CACNA1C: variants seen among roughly 807,000 people sequenced by gnomAD.
The protein encoded by CACNA1C is calcium voltage-gated channel subunit alpha1 C.
CACNA1C carries 30 observed loss-of-function variants against 229.0 expected under a neutral mutation model. The ratio of observed to expected loss-of-function variants is 0.13; its 90% confidence interval spans 0.10 to 0.18. The LOEUF (loss-of-function observed/expected upper bound fraction) is 0.18, where lower values mean the gene tolerates loss of function less well. Among genes scored for constraint, CACNA1C ranks in the 10% least tolerant of loss-of-function variants. The pLI is 1.00. For synonymous variants in CACNA1C, 1,114 were observed against 1,132.5 expected, an observed-to-expected ratio of 0.98 and a Z score of 0.33; for missense variants, 1,658 against 2,845.0, an observed-to-expected ratio of 0.58 and a Z score of 9.49.
chr12:2,105,407 C>T (rs1171482331), intron 1 of CACNA1C, among the ~76,000 whole-genome samples: 1 of 152,164 alleles, frequency 6.6e-6, no homozygotes, highest in Non-Finnish European at 1.5e-5. Context: ...GGTCATGGGG[C>T]CTGTTCTGGG....
chr12:2,292,668 G>T (rs1389827784), intron 3 of CACNA1C, among the ~76,000 whole-genome samples: 1 of 152,232 alleles, frequency 6.6e-6, no homozygotes, highest in Non-Finnish European at 1.5e-5. Context: ...GCAGAGGTTG[G>T]TGGAGAGGGT....
intron 3 of CACNA1C, among the ~76,000 whole-genome samples, chr12:2,185,944 C>T (rs1177312396): frequency 2.6e-5 from 4 of 151,946 alleles, no homozygotes; most frequent in African/African-American, 7.3e-5. Context: ...GCCGAGCGCC[C>T]AATGCACACT....
chr12:2,030,208 T>C (rs2047997116), intron 1 of CACNA1C, among the ~76,000 whole-genome samples: 1 of 152,210 alleles, frequency 6.6e-6, no homozygotes, highest in Non-Finnish European at 1.5e-5. Flanking sequence ...ATCTGAACTG[T>C]AGAGGAGAGA....
At chr12:2,576,978 A>T (rs2058639406) in intron 13 of CACNA1C, among the ~76,000 whole-genome samples, 1 of 152,198 alleles carries the variant, frequency 6.6e-6, no homozygotes, top group African/African-American at 2.4e-5. Context: ...CATCCCTGAT[A>T]ATTTGCACGT....
At chr12:2,676,150 C>T (rs2096799590) in intron 39 of CACNA1C, 1 of 152,230 alleles carries the variant, frequency 6.6e-6, no homozygotes, top group African/African-American at 2.4e-5. Flanking sequence ...CCCCAGGGAA[C>T]CTAGGACTCC....
In CACNA1C at chr12:2,550,008, G is replaced by A. The variant is rs751825175; in HGVS notation, c.1456G>A (p.Gly486Arg). The change falls in exon 10 of 47, where the codon GGA becomes AGA. Residue 486 changes from glycine to arginine, a missense_variant. Gly to Arg is a moderately radical substitution (Grantham distance 125). Transcript: ENST00000399655. ...AAACGTGGCTGGAGGTGACATCGAGGGAGAAAACTGCGGGGCCAGGCTGGC... is the reference window on the plus strand; with the variant it reads ...AAACGTGGCTGGAGGTGACATCGAGAGAGAAAACTGCGGGGCCAGGCTGGC... ...TENVAGGDIEGENCGARLAHR... is the reference protein window; with the variant it reads ...TENVAGGDIERENCGARLAHR... 1 of 1,607,276 alleles carries A rather than the reference G, an allele frequency of 6.2e-7. No individual in the cohort carries two copies. Among genetic ancestry groups the A allele is most frequent in the Non-Finnish European group, 8.5e-7 (1 of 1,176,834 alleles).
intron 29 of CACNA1C, among the ~76,000 whole-genome samples, chr12:2,615,704 C>A (rs73241760): frequency 2.6e-5 from 4 of 152,174 alleles, no homozygotes; most frequent in Admixed American, 2.6e-4. Context: ...AGGAGCCTGG[C>A]GCGGGAAGCA....
In CACNA1C at chr12:2,567,792, G is replaced by A. The variant is rs1252210096; in HGVS notation, c.1893G>A (p.Thr631=). The A allele has an allele frequency of 6.3e-6, 10 of 1,584,282 alleles. No homozygotes were observed. The highest frequency in any genetic ancestry group is 4.0e-5 in the African/African-American group (3 of 74,352). Residue 631 remains threonine (T), a splice_region_variant and synonymous_variant, in exon 13 of 47, where the codon ACG becomes ACA. Coordinates refer to ENST00000399655, the MANE Select transcript of CACNA1C (RefSeq NM_000719.7). ...CVRLLRIFKI[T]RYWNSLSNLV... ...GGCTGCTGAGGATTTTCAAGATCAC[G>A]AGGTACTGGGCTCCCCCTCTCACTT...
intron 1 of CACNA1C, among the ~76,000 whole-genome samples, chr12:2,000,074 G>A (rs929676355): frequency 6.6e-6 from 1 of 152,112 alleles, no homozygotes; most frequent in African/African-American, 2.4e-5. Flanking sequence ...GTATTAATCA[G>A]GAAAATGGCC....
At chr12:2,228,110 T>G (rs545952851) in intron 3 of CACNA1C, among the ~76,000 whole-genome samples, 1 of 152,256 alleles carries the variant, frequency 6.6e-6, no homozygotes, top group East Asian at 1.9e-4. Context: ...CAAATGACAC[T>G]TAGGGTTGCA....
At chr12:2,178,387 G>A (rs1723919495) in intron 3 of CACNA1C, among the ~76,000 whole-genome samples, 1 of 152,182 alleles carries the variant, frequency 6.6e-6, no homozygotes, top group African/African-American at 2.4e-5. Context: ...TTTGCTTTTT[G>A]CATGGGATGA....
chr12:2,595,188 AG>A lies in CACNA1C; in HGVS notation c.2664-685del, dbSNP rs1218260558. ...GCAGAAGTCTGAAGGCCTGGGTTGA[AG>A]CCCTGACTCTCCCACACTAAGGCTG... On this transcript the variant is annotated intron_variant, in intron 19 of 46. Coordinates refer to ENST00000399655, the MANE Select transcript of CACNA1C (RefSeq NM_000719.7). The surrounding 1 kb of genome is among the most constrained non-coding windows in gnomAD (Gnocchi z 4.1). Among the ~76,000 whole-genome samples, 1 of 152,138 alleles carries A rather than the reference AG, an allele frequency of 6.6e-6. No homozygotes were observed. The highest frequency in any genetic ancestry group is 2.4e-5 in the African/African-American group (1 of 41,420).
chr12:2,366,017 A>G (rs1262915332), intron 3 of CACNA1C, among the ~76,000 whole-genome samples: 1 of 152,254 alleles, frequency 6.6e-6, no homozygotes, highest in Non-Finnish European at 1.5e-5. Flanking sequence ...TCCAGAGACA[A>G]TGAATCAATT....
chr12:2,628,993 C>G (rs2088855081), intron 29 of CACNA1C, among the ~76,000 whole-genome samples: 1 of 152,158 alleles, frequency 6.6e-6, no homozygotes, highest in Non-Finnish European at 1.5e-5. Context: ...GAATAGGCAT[C>G]TCTTGGATTT....
intron 3 of CACNA1C, among the ~76,000 whole-genome samples, chr12:2,416,177 A>G (rs1178743136): frequency 6.6e-6 from 1 of 151,998 alleles, no homozygotes; most frequent in African/African-American, 2.4e-5. Context: ...GAAAGGTCTT[A>G]TTTGTTCACT....
rs768170926 is a variant in CACNA1C, at chr12:2,177,439, C to A, written c.477+57009C>A. Among the ~76,000 whole-genome samples, 14 of 152,152 alleles carry A rather than the reference C, an allele frequency of 9.2e-5. 1 individual carries two copies. Among genetic ancestry groups the A allele is most frequent in the Non-Finnish European group, 1.9e-4 (13 of 68,026 alleles). On this transcript the variant is annotated intron_variant, in intron 3 of 46. Coordinates refer to ENST00000399655, the MANE Select transcript of CACNA1C (RefSeq NM_000719.7). ...TGAAAGCATCCCTTCTCATTATTCC[C>A]TGCCTGATTTCCAGTGTTTCTCTCC...
At chr12:2,052,779 G>A (rs1324013812), upstream of CACNA1C, among the ~76,000 whole-genome samples, 1 of 145,666 alleles carries the variant, frequency 6.9e-6, no homozygotes, top group Non-Finnish European at 1.5e-5. Context: ...GCGCCGGGAG[G>A]GGGCCCGACT....
chr12:2,657,678 C>T (rs1398245675), intron 34 of CACNA1C, among the ~76,000 whole-genome samples: 4 of 152,120 alleles, frequency 2.6e-5, no homozygotes, highest in African/African-American at 7.2e-5. Context: ...ACTATTAAAA[C>T]ATAGATACTC....
chr12:2,545,187 G>C (rs1008210796), intron 9 of CACNA1C, among the ~76,000 whole-genome samples: 3 of 150,752 alleles, frequency 2.0e-5, no homozygotes, highest in Non-Finnish European at 2.9e-5. Flanking sequence ...AGTACAATAA[G>C]AGAAGGTGAC....
Sources: gnomAD v4.1 joint callset for allele counts (sites outside exome capture counted in the v4.1 genomes callset) on GRCh38, gnomAD v4.1.1 for gene constraint, Gnocchi (gnomAD v3.1) non-coding constraint, MANE v1.5 for transcripts, NCBI Gene and HGNC (gene_info 2026-07-23, HGNC 2026-07-21) for gene names.